Variants in NOTCH3 observed in about 807,000 individuals in gnomAD.
The protein encoded by NOTCH3 is notch receptor 3.
In NOTCH3, 86 loss-of-function variants were observed where a neutral mutation model predicts 213.3. The observed-to-expected ratio is 0.40, with a 90% CI of 0.34 to 0.48. The LOEUF (loss-of-function observed/expected upper bound fraction) is 0.48, where lower values mean the gene tolerates loss of function less well. Among genes scored for constraint, NOTCH3 ranks in the 20% least tolerant of loss-of-function variants. NOTCH3 has a pLI of 0.57. For missense variants in NOTCH3, 2,783 were observed against 3,272.6 expected, an observed-to-expected ratio of 0.85 and a Z score of 3.65; for synonymous variants, 1,354 against 1,355.9, an observed-to-expected ratio of 1.00 and a Z score of 0.03.
intron 24 of NOTCH3, 71 bp downstream of exon 24, chr19:15,177,454 G>A (rs2046800987): frequency 7.0e-7 from 1 of 1,419,960 alleles, no homozygotes; most frequent in African/African-American, 1.4e-5. Flanking sequence ...TGGAAAGAGA[G>A]GCAGGGCCCA....
In NOTCH3 at chr19:15,161,793, G is replaced by A. The variant is rs955698232; in HGVS notation, c.5914-79C>T. Reference sequence around the variant, plus strand: ...GTCTTCCAGCCTCTTGGGGGAGCCCGAGAGCTATGAGTTTGTACACTGGAG... The same window carrying A: ...GTCTTCCAGCCTCTTGGGGGAGCCCAAGAGCTATGAGTTTGTACACTGGAG... On this transcript the variant is annotated intron_variant, in intron 32 of 32. Coordinates refer to ENST00000263388, the MANE Select transcript of NOTCH3 (RefSeq NM_000435.3). 16 of 1,258,244 alleles carry A rather than the reference G, an allele frequency of 1.3e-5. No individual in the cohort carries two copies. In the African/African-American group the frequency reaches 1.3e-4, roughly 10 times the overall value. The allele number at this position is 1,258,244 out of a possible 1,614,324, so 77.9% of individuals were successfully genotyped here.
At chr19:15,182,555 C>T (rs926050439) in intron 16 of NOTCH3, among the ~76,000 whole-genome samples, 1 of 150,992 alleles carries the variant, frequency 6.6e-6, no homozygotes. Context: ...CAATTTTATA[C>T]TGGTTACATG....
At chr19:15,173,513 C>G (rs1205413632) in intron 25 of NOTCH3, among the ~76,000 whole-genome samples, 2 of 151,078 alleles carry the variant, frequency 1.3e-5, no homozygotes, top group African/African-American at 4.9e-5. Flanking sequence ...AGTGATCCTC[C>G]AAGTAGCTGG....
At chr19:15,188,204 C>A (rs747107179) in intron 9 of NOTCH3, 31 bp downstream of exon 9, 3 of 1,519,594 alleles carry the variant, frequency 2.0e-6, no homozygotes, top group Non-Finnish European at 2.7e-6. Context: ...CCAGACATGT[C>A]TTTTCGGGCT....
chr19:15,161,250 G>C lies in NOTCH3; in HGVS notation c.6378C>G (p.Pro2126=), dbSNP rs775029302. The change falls in exon 33 of 33, where the codon CCC becomes CCG. Residue 2126 remains proline (P), a synonymous_variant. Coordinates refer to ENST00000263388, the MANE Select transcript of NOTCH3 (RefSeq NM_000435.3). ...CTGCAGTGGCAGTGGCAGCTGCATA[G>C]GGCCCCTCAAGGGGGAAGCCACCAG... ...ASPGGFPLEG[P]YAAATATAVS... is the part of the protein sequence containing the mutation. 1.3e-6 allele frequency: 2 copies of C among 1,547,418 alleles called. No individual in the cohort carries two copies. Among genetic ancestry groups the C allele is most frequent in the South Asian group, 1.2e-5 (1 of 84,400 alleles).
chr19:15,181,766 C>A lies in NOTCH3; in HGVS notation c.2602G>T (p.Val868Leu). The A allele has an allele frequency of 6.4e-7, 1 of 1,568,558 alleles. No homozygotes were observed. Among genetic ancestry groups the A allele is most frequent in the Non-Finnish European group, 8.6e-7 (1 of 1,156,352 alleles). The change falls in exon 17 of 33, where the codon GTG becomes TTG. Residue 868 changes from valine to leucine, a missense_variant. By Grantham distance (32) the Val-to-Leu change is conservative. Around this residue, in one of 6 missense-constraint regions of NOTCH3, gnomAD observed 861 missense variants for 909.1 expected, o/e 0.95. Coordinates refer to ENST00000263388, the MANE Select transcript of NOTCH3 (RefSeq NM_000435.3). ...AGGCAGGAGCAGGAAAAGGAGCCCA[C>A]GCCGTCTTGGCACGAGCCACCGTTC... ...CLNGGSCQDGVGSFSCSCLPG... is the reference protein window; with the variant it reads ...CLNGGSCQDGLGSFSCSCLPG...
In NOTCH3 at chr19:15,178,589, T is replaced by C. The variant is rs1438171628; in HGVS notation, c.3837+234A>G. The C allele has an allele frequency of 5.1e-6, 3 of 582,684 alleles. No homozygotes were observed. In the Admixed American group the frequency reaches 8.8e-5, roughly 17 times the overall value. 36.1% of individuals were successfully genotyped at this position (582,684 alleles called of 1,614,324 possible). A position where few individuals can be genotyped will look rare whatever the true frequency, so the allele number is the denominator to read the frequency against. ...TAGTAGAGACGGGGTTTCACCATGT[T>C]GCCCAGGCTGGTCTCTAACTCCTGG... is the stretch of plus-strand genomic sequence containing the variant. On this transcript the variant is annotated intron_variant, in intron 23 of 32. Transcript: ENST00000263388.
intron 31 of NOTCH3, among the ~76,000 whole-genome samples, chr19:15,164,338 G>A (rs1346933262): frequency 6.6e-6 from 1 of 152,092 alleles, no homozygotes; most frequent in Non-Finnish European, 1.5e-5. Context: ...TCAGGAGTTT[G>A]AGGCCAGCCT....
At position 15,161,415 on chromosome 19, in the gene NOTCH3, C is replaced by G; in HGVS notation, c.6213G>C (p.Gly2071=). 1 of 1,528,354 alleles carries G rather than the reference C, an allele frequency of 6.5e-7. No homozygotes were observed. Among genetic ancestry groups the G allele is most frequent in the East Asian group, 2.5e-5 (1 of 40,704 alleles). The allele number at this position is 1,528,354 out of a possible 1,614,324, so 94.7% of individuals were successfully genotyped here. ...GCCCCCGGGGCCCCTGCGGCCCCAGCCCCGCCTTCCCGGGGGGCCTCCTGC... is the reference window on the plus strand; with the variant it reads ...GCCCCCGGGGCCCCTGCGGCCCCAGGCCCGCCTTCCCGGGGGGCCTCCTGC... ...KKSRRPPGKA[G]LGPQGPRGRG... Residue 2071 remains glycine (G), a synonymous_variant, in exon 33 of 33, where the codon GGG becomes GGC. Transcript: ENST00000263388.
chr19:15,166,506 A>AG (rs111838538), intron 29 of NOTCH3, among the ~76,000 whole-genome samples: 7 of 151,096 alleles, frequency 4.6e-5, no homozygotes, highest in Non-Finnish European at 8.8e-5. Flanking sequence ...GTGTTTTAAA[A>AG]GGGGGGGGGA....
rs186300168 is a variant in NOTCH3, at chr19:15,177,536, C to G, written c.4392G>C (p.Glu1464Asp). Residue 1464 changes from glutamate to aspartate, a missense_variant, in exon 24 of 33, where the codon GAG (glutamate) becomes GAC (aspartate). By Grantham distance (45) the Glu-to-Asp change is conservative. Around this residue, in one of 6 missense-constraint regions of NOTCH3, gnomAD observed 636 missense variants for 801.8 expected, o/e 0.79. Transcript: ENST00000263388. ...DNFDCHAGGR[E>D]RTCNPVYEKY... ...GTGGATGGGCTCACTTGCAAGTGCG[C>G]TCGCGGCCACCGGCGTGGCAGTCGA... 2 of 1,609,932 alleles carry G rather than the reference C, an allele frequency of 1.2e-6. No individual in the cohort carries two copies. Among genetic ancestry groups the G allele is most frequent in the Non-Finnish European group, 1.7e-6 (2 of 1,178,668 alleles).
chr19:15,190,734 C>T (rs1486047078), intron 6 of NOTCH3, among the ~76,000 whole-genome samples: 1 of 152,156 alleles, frequency 6.6e-6, no homozygotes, highest in Non-Finnish European at 1.5e-5. Context: ...TACAGGCATG[C>T]GCTACCATGC....
rs1370683089 is a variant in NOTCH3 at position 15,170,573 on chromosome 19, G to A, written c.4892-20C>T. On this transcript the variant is annotated intron_variant, in intron 26 of 32. Transcript: ENST00000263388. ...GCTCCCCTAAGAGCAGGAAGCAGAG[G>A]GCGGGGCTTCAGCCGAGGGCGGGGC... 1.9e-6 allele frequency: 3 copies of A among 1,605,940 alleles called. No individual in the cohort carries two copies. Among genetic ancestry groups the A allele is most frequent in the South Asian group, 1.1e-5 (1 of 90,820 alleles).
Position 15,192,233 on chromosome 19 carries a change from C to T in NOTCH3, c.406G>A (p.Val136Met). ...CAGAGGAAGCGTCCATCGGGCCCCA[C>T]TGAGCAGCGGGCACCGTGGGCACAA... ...SPCAHGARCSVGPDGRFLCSC... is the reference protein window; with the variant it reads ...SPCAHGARCSMGPDGRFLCSC... The change falls in exon 4 of 33, where the codon GTG (valine) becomes ATG (methionine). Residue 136 changes from valine to methionine, a missense_variant. Val to Met is a conservative substitution (Grantham distance 21). Around this residue, in one of 6 missense-constraint regions of NOTCH3, gnomAD observed 708 missense variants for 906.6 expected, o/e 0.78. Coordinates refer to ENST00000263388, the MANE Select transcript of NOTCH3 (RefSeq NM_000435.3). The T allele has an allele frequency of 3.1e-6, 5 of 1,606,662 alleles. No homozygotes were observed. Among genetic ancestry groups the T allele is most frequent in the Non-Finnish European group, 4.2e-6 (5 of 1,177,172 alleles).
chr19:15,167,262 A>G lies in NOTCH3; in HGVS notation c.5349T>C (p.Asn1783=). Residue 1783 remains asparagine (N), a synonymous_variant, in exon 29 of 33, where the codon AAT becomes AAC. Transcript: ENST00000263388. ...ACTGTCACTAACCTGGGCCACGCAC[A>G]TTGACATCCATGCCATCAGCATCTG... ...GDADADGMDV[N]VRGPDGFTPL... The G allele has an allele frequency of 1.2e-6, 2 of 1,612,986 alleles. No homozygotes were observed. The highest frequency in any genetic ancestry group is 1.7e-6 in the Non-Finnish European group (2 of 1,179,218).
At position 15,165,677 on chromosome 19, in the gene NOTCH3, C is replaced by T. The variant is rs2046679905; in HGVS notation, c.5667+110G>A. ...ACAGATACTGTATTCCCATATATCC[C>T]CATTTTCCAAATGAGAAAAAATGAG... On this transcript the variant is annotated intron_variant, in intron 30 of 32. Transcript: ENST00000263388. The surrounding 1 kb of genome is among the most constrained non-coding windows in gnomAD (Gnocchi z 4.7). 7.1e-7 allele frequency: 1 copy of T among 1,400,080 alleles called. No individual in the cohort carries two copies. The highest frequency in any genetic ancestry group is 9.8e-7 in the Non-Finnish European group (1 of 1,017,616). The allele number at this position is 1,400,080 out of a possible 1,614,324, so 86.7% of individuals were successfully genotyped here.
rs1324992610 is a variant in NOTCH3, at chr19:15,181,561, A to G, written c.2792+15T>C. On this transcript the variant is annotated intron_variant, in intron 17 of 32. Coordinates refer to ENST00000263388, the MANE Select transcript of NOTCH3 (RefSeq NM_000435.3). ...AAGCCAGAGTCCCTGCTCTCCAAGC[A>G]GAGGCCCCGCCCACCTGGGGCTGCA... 3 of 1,547,810 alleles carry G rather than the reference A, an allele frequency of 1.9e-6. No homozygotes were observed. Among genetic ancestry groups the G allele is most frequent in the Non-Finnish European group, 2.6e-6 (3 of 1,144,770 alleles).
intron 31 of NOTCH3, among the ~76,000 whole-genome samples, chr19:15,164,370 T>G (rs894247062): frequency 4.0e-5 from 6 of 151,652 alleles, no homozygotes; most frequent in Admixed American, 1.3e-4. Context: ...CGAAACCCCG[T>G]CTCTACTAAA....
chr19:15,170,847 A>C, intron 25 of NOTCH3, 22 bp from the exon 26 acceptor site: 1 of 1,612,046 alleles, frequency 6.2e-7, no homozygotes, highest in Non-Finnish European at 8.5e-7. Flanking sequence ...GCAGGGAGGG[A>C]CCAGAGGGCT....
Sources: allele counts gnomAD v4.1 joint callset (sites outside exome capture counted in the v4.1 genomes callset), GRCh38; gene constraint gnomAD v4.1.1; regional missense constraint gnomAD v4.1.1; non-coding constraint Gnocchi (gnomAD v3.1); transcripts MANE v1.5; gene names NCBI Gene and HGNC (gene_info 2026-07-23, HGNC 2026-07-21).